The following CCSER1 variants were observed in gnomAD, a reference collection of about 807,000 sequenced individuals.
CCSER1 encodes serine-rich coiled-coil domain-containing protein 1.
A neutral mutation model predicts 82.0 loss-of-function variants in CCSER1; 41 were observed. That is an observed-to-expected ratio of 0.50 (90% CI 0.39 to 0.65). The LOEUF (loss-of-function observed/expected upper bound fraction) is 0.65. CCSER1 is among the 30% of genes least tolerant of loss of function. The pLI is 0.00. For synonymous variants in CCSER1, 414 were observed against 383.9 expected (o/e 1.08, Z -0.92); for missense variants, 1,119 against 1,064.2 (o/e 1.05, Z -0.72).
At chr4:91,443,346 C>T (rs1755325908) in intron 10 of CCSER1, among the ~76,000 whole-genome samples, 1 of 152,016 alleles carries the variant, frequency 6.6e-6, no homozygotes, top group East Asian at 1.9e-4. Flanking sequence ...AACTGGAAAT[C>T]ATCATTCTCA....
intron 8 of CCSER1, among the ~76,000 whole-genome samples, chr4:90,880,093 T>C (rs1580901458): frequency 6.6e-6 from 1 of 152,180 alleles, no homozygotes; most frequent in Non-Finnish European, 1.5e-5. Flanking sequence ...GTGGCTCCCC[T>C]GTTTCCTCTC....
At chr4:90,164,255 A>C (rs1313865092) in intron 1 of CCSER1, among the ~76,000 whole-genome samples, 1 of 136,122 alleles carries the variant, frequency 7.3e-6, no homozygotes, top group African/African-American at 3.1e-5. Context: ...CTACATTCTT[A>C]AGGTTTTTTT....
At chr4:91,222,215 G>A (rs2149101443) in intron 10 of CCSER1, among the ~76,000 whole-genome samples, 1 of 150,998 alleles carries the variant, frequency 6.6e-6, no homozygotes, top group Admixed American at 6.6e-5. Flanking sequence ...GCAGAAGGAG[G>A]CAGCATATGC....
chr4:90,174,324 G>A (rs1320884118), intron 1 of CCSER1, among the ~76,000 whole-genome samples: 1 of 151,968 alleles, frequency 6.6e-6, no homozygotes, highest in Admixed American at 6.6e-5. Context: ...TTATTTGATG[G>A]AGTAACAGGG....
intron 5 of CCSER1, among the ~76,000 whole-genome samples, chr4:90,511,986 A>G (rs1771594138): frequency 6.6e-6 from 1 of 152,106 alleles, no homozygotes; most frequent in African/African-American, 2.4e-5. Context: ...ATCAGCTGAG[A>G]GTGAGGATGA....
chr4:91,557,488 A>C (rs2110241988), intron 10 of CCSER1, among the ~76,000 whole-genome samples: 1 of 151,620 alleles, frequency 6.6e-6, no homozygotes, highest in East Asian at 1.9e-4. Context: ...CTACTTTCAG[A>C]GAATTGATAC....
intron 1 of CCSER1, among the ~76,000 whole-genome samples, chr4:90,157,055 T>G (rs1257511085): frequency 6.6e-6 from 1 of 152,240 alleles, no homozygotes; most frequent in Admixed American, 6.5e-5. Context: ...AGGAGCTCTT[T>G]TAGGGCAGTC....
intron 10 of CCSER1, among the ~76,000 whole-genome samples, chr4:91,437,757 A>G (rs1042529630): frequency 1.3e-5 from 2 of 152,212 alleles, no homozygotes; most frequent in African/African-American, 4.8e-5. Context: ...GGCACCTGGA[A>G]AATCGGGTCA....
chr4:91,460,762 A>T (rs931137606), intron 10 of CCSER1, among the ~76,000 whole-genome samples: 3 of 152,172 alleles, frequency 2.0e-5, no homozygotes, highest in Non-Finnish European at 4.4e-5. Context: ...GTGGCCTTAC[A>T]CTTTCATCCA....
At chr4:91,168,510 C>T (rs993473640) in intron 10 of CCSER1, among the ~76,000 whole-genome samples, 16 of 148,504 alleles carry the variant, frequency 1.1e-4, no homozygotes, top group African/African-American at 7.5e-5. Flanking sequence ...GTGCTTCTGC[C>T]TGGCCGCCCC....
intron 3 of CCSER1, among the ~76,000 whole-genome samples, chr4:90,324,356 G>A (rs7680268): frequency 0.6 from 82,904 of 139,254 alleles, 25,727 homozygotes; most frequent in East Asian, 0.81. Flanking sequence ...TTTAATGATT[G>A]CCATTCTAAC....
In CCSER1 at chr4:91,554,602, A is replaced by T. The variant is rs1019861701; in HGVS notation, c.2218-43970A>T. ...GTGTTGAAGGACTACAAGAAATAAT[A>T]ATGTAAAAATGTCCATACTACCCAA... is the stretch of plus-strand genomic sequence containing the variant. On this transcript the variant is annotated intron_variant, in intron 10 of 10. Transcript: ENST00000509176. Among the ~76,000 whole-genome samples, 8 of 151,482 alleles carry T rather than the reference A, an allele frequency of 5.3e-5. No individual in the cohort carries two copies. In the East Asian group the frequency reaches 1.5e-3, roughly 29 times the overall value.
intron 7 of CCSER1, 34 bp downstream of exon 7, chr4:90,724,025 A>G (rs1580158325): frequency 3.9e-6 from 5 of 1,277,198 alleles, no homozygotes; most frequent in Middle Eastern, 1.9e-4. Flanking sequence ...TATTTATAAA[A>G]ATATTAGGAT....
intron 8 of CCSER1, among the ~76,000 whole-genome samples, chr4:90,839,886 G>A (rs1762349008): frequency 6.6e-6 from 1 of 152,100 alleles, no homozygotes; most frequent in Non-Finnish European, 1.5e-5. Context: ...ATTGATACAT[G>A]AATTGTATAT....
chr4:91,044,508 C>T (rs1457445091), intron 9 of CCSER1, among the ~76,000 whole-genome samples: 1 of 152,204 alleles, frequency 6.6e-6, no homozygotes, highest in Non-Finnish European at 1.5e-5. Flanking sequence ...CCTGCAGTTT[C>T]TAGCCTTCCC....
At chr4:90,408,579 GC>G (rs1754135929) in intron 4 of CCSER1, among the ~76,000 whole-genome samples, 1 of 152,208 alleles carries the variant, frequency 6.6e-6, no homozygotes, top group Non-Finnish European at 1.5e-5. Context: ...TGTCCTGACT[GC>G]TAGAAGGAAA....
intron 10 of CCSER1, among the ~76,000 whole-genome samples, chr4:91,141,391 A>T (rs1461723018): frequency 6.6e-6 from 1 of 152,100 alleles, no homozygotes; most frequent in African/African-American, 2.4e-5. Context: ...ACCTCAGGTG[A>T]TCTGCCCGCC....
At chr4:90,133,578 A>G (rs1407862348) in intron 1 of CCSER1, among the ~76,000 whole-genome samples, 1 of 152,208 alleles carries the variant, frequency 6.6e-6, no homozygotes, top group Non-Finnish European at 1.5e-5. Context: ...CCATAGCTCT[A>G]CGTCTTTCAA....
At chr4:90,479,849 G>A (rs1235834696) in intron 5 of CCSER1, among the ~76,000 whole-genome samples, 1 of 152,166 alleles carries the variant, frequency 6.6e-6, no homozygotes, top group African/African-American at 2.4e-5. Context: ...GTGTGCATGT[G>A]TCTTTATAGC....
Sources: gnomAD v4.1 joint callset for allele counts (sites outside exome capture counted in the v4.1 genomes callset) on GRCh38, gnomAD v4.1.1 for gene constraint, MANE v1.5 for transcripts, NCBI Gene and HGNC (gene_info 2026-07-23, HGNC 2026-07-21) for gene names.